The following SORBS2 variants were observed in gnomAD, a reference collection of about 807,000 sequenced individuals.
SORBS2 encodes sorbin and SH3 domain containing 2, also known as sorbin and SH3 domain-containing protein 2.
A neutral mutation model predicts 97.7 loss-of-function variants in SORBS2; 46 were observed. The ratio of observed to expected loss-of-function variants is 0.47; its 90% CI spans 0.37 to 0.60. The LOEUF is 0.60. Ranked by LOEUF, SORBS2 falls within the 20% of genes least tolerant of loss-of-function variation. The probability of loss-of-function intolerance (pLI) is 0.00; values close to 1 mark genes in which losing one functional copy is unlikely to be tolerated. For synonymous variants in SORBS2, 476 were observed against 473.4 expected, an observed-to-expected ratio of 1.01 and a Z score of -0.07; for missense variants, 1,316 against 1,282.3, an observed-to-expected ratio of 1.03 and a Z score of -0.40.
intron 2 of SORBS2, among the ~76,000 whole-genome samples, chr4:185,767,615 C>T (rs2098944276): frequency 1.3e-5 from 2 of 151,542 alleles, no homozygotes; most frequent in African/African-American, 2.4e-5. Flanking sequence ...ATTATAGGTG[C>T]AATTATTTTA....
chr4:185,597,232 T>C (rs751838640), intron 12 of SORBS2, among the ~76,000 whole-genome samples: 3 of 152,188 alleles, frequency 2.0e-5, no homozygotes, highest in Non-Finnish European at 4.4e-5. Context: ...TGGGGATGCC[T>C]CAGCTTCCCT....
intron 1 of SORBS2, among the ~76,000 whole-genome samples, chr4:185,928,473 G>T (rs538507159): frequency 6.6e-6 from 1 of 152,120 alleles, no homozygotes; most frequent in South Asian, 2.1e-4. Flanking sequence ...CTACTTTATA[G>T]ACAGGTCTTG....
intron 1 of SORBS2, among the ~76,000 whole-genome samples, chr4:185,796,104 C>T (rs1024494150): frequency 2.0e-5 from 3 of 152,116 alleles, no homozygotes; most frequent in Admixed American, 1.3e-4. Context: ...TGGGATCTCA[C>T]TGTGTTGCCC....
chr4:185,926,568 T>C (rs1256329046), intron 1 of SORBS2, among the ~76,000 whole-genome samples: 1 of 151,530 alleles, frequency 6.6e-6, no homozygotes. Context: ...TTTTTTTTAA[T>C]GGCAATGTAG....
rs139892844 is a variant in SORBS2 at position 185,805,660 on chromosome 4, G to A, written c.-337-30294C>T. Among the ~76,000 whole-genome samples, 321 of 152,262 alleles carry A rather than the reference G, an allele frequency of 2.1e-3. 1 individual carries two copies. The highest frequency in any genetic ancestry group is 6.1e-3 in the African/African-American group (253 of 41,536). On this transcript the variant is annotated intron_variant, in intron 1 of 20. Transcript: ENST00000284776. ...CCAACAACACCGGTCTATTCACACT[G>A]TAGCAGAGCAACCAAGCAGTTATAC...
intron 1 of SORBS2, among the ~76,000 whole-genome samples, chr4:185,954,434 T>C (rs551967078): frequency 1.6e-3 from 240 of 152,364 alleles, no homozygotes; most frequent in Middle Eastern, 0.01. Context: ...ATATTAGATG[T>C]ACATTTCCAT....
chr4:185,694,675 C>G (rs374610225), intron 2 of SORBS2, among the ~76,000 whole-genome samples: 2 of 132,120 alleles, frequency 1.5e-5, no homozygotes, highest in African/African-American at 5.5e-5. Flanking sequence ...GCTTGAATTT[C>G]TTTTTTTTCT....
chr4:185,912,444 C>G (rs1437787454), intron 1 of SORBS2, among the ~76,000 whole-genome samples: 46 of 151,264 alleles, frequency 3.0e-4, no homozygotes, highest in African/African-American at 1.1e-3. Flanking sequence ...AATTAGCTGG[C>G]TGTGGTGGTG....
chr4:185,842,964 C>T (rs180907064), intron 1 of SORBS2, among the ~76,000 whole-genome samples: 1 of 149,106 alleles, frequency 6.7e-6, no homozygotes, highest in Admixed American at 6.7e-5. Context: ...ATTTAACATG[C>T]TTCTAGGACA....
chr4:185,892,043 C>T (rs1247230993), intron 1 of SORBS2, among the ~76,000 whole-genome samples: 1 of 152,120 alleles, frequency 6.6e-6, no homozygotes, highest in Non-Finnish European at 1.5e-5. Context: ...CCATCTTGGC[C>T]AGGATGGTCT....
At chr4:185,921,042 G>T (rs1579503858) in intron 1 of SORBS2, among the ~76,000 whole-genome samples, 1 of 152,198 alleles carries the variant, frequency 6.6e-6, no homozygotes, top group Admixed American at 6.5e-5. Context: ...GCTGGGCGGG[G>T]AATGCTGATA....
At chr4:185,942,268 C>T (rs1244663431) in intron 1 of SORBS2, among the ~76,000 whole-genome samples, 1 of 152,192 alleles carries the variant, frequency 6.6e-6, no homozygotes, top group East Asian at 1.9e-4. Context: ...ACAGGCCCCC[C>T]ATAGCCCACT....
chr4:185,943,984 G>A (rs2099273343), intron 1 of SORBS2, among the ~76,000 whole-genome samples: 1 of 152,170 alleles, frequency 6.6e-6, no homozygotes, highest in African/African-American at 2.4e-5. Flanking sequence ...CATTCTGTTT[G>A]TTTAAATGTT....
At chr4:185,828,118 G>T (rs997017870) in intron 1 of SORBS2, among the ~76,000 whole-genome samples, 3 of 152,184 alleles carry the variant, frequency 2.0e-5, no homozygotes, top group African/African-American at 4.8e-5. Flanking sequence ...GGGCTTTGGG[G>T]ATGTGTCCTT....
chr4:185,942,454 G>A (rs1484304004), intron 1 of SORBS2, among the ~76,000 whole-genome samples: 2 of 151,804 alleles, frequency 1.3e-5, no homozygotes. Context: ...GGGTTCGAGT[G>A]ATTCTCCTGC....
intron 1 of SORBS2, among the ~76,000 whole-genome samples, chr4:185,784,531 G>T (rs1439707368): frequency 6.6e-6 from 1 of 152,140 alleles, no homozygotes. Flanking sequence ...TACAGCGATG[G>T]AGAGAGGATA....
chr4:185,721,453 G>A (rs1185320749), intron 2 of SORBS2, among the ~76,000 whole-genome samples: 1 of 152,152 alleles, frequency 6.6e-6, no homozygotes, highest in Non-Finnish European at 1.5e-5. Flanking sequence ...CTGGGTCTTT[G>A]CCCTACCTTC....
At chr4:185,735,594 T>C (rs1172248424) in intron 2 of SORBS2, among the ~76,000 whole-genome samples, 3 of 152,074 alleles carry the variant, frequency 2.0e-5, no homozygotes, top group African/African-American at 7.2e-5. Context: ...TCATAAATAA[T>C]ATCTGATGAT....
Position 185,593,889 on chromosome 4 carries a change from T to C in SORBS2, c.2843A>G (p.Glu948Gly), listed in dbSNP as rs1324968072. 5.6e-6 allele frequency: 9 copies of C among 1,598,390 alleles called. No individual in the cohort carries two copies. Among genetic ancestry groups the C allele is most frequent in the Admixed American group, 1.7e-5 (1 of 59,956 alleles). Residue 948 changes from glutamate (E) to glycine (G), a missense_variant, in exon 13 of 15, where the codon GAA becomes GGA. Physicochemically the swap from Glu to Gly is moderately conservative, Grantham distance 98. Coordinates refer to ENST00000418609, the Ensembl canonical transcript of SORBS2. ...AGAAGATAAGAAGAATACTTACGGT[T>C]CCCCCCCACCTTGAATATTTTCATG...
Sources: gnomAD v4.1 joint callset for allele counts (sites outside exome capture counted in the v4.1 genomes callset) on GRCh38, gnomAD v4.1.1 for gene constraint, MANE v1.5 for transcripts, NCBI Gene and HGNC (gene_info 2026-07-23, HGNC 2026-07-21) for gene names.